Variants in PDZD2 observed in about 807,000 individuals in gnomAD.
PDZD2 encodes PDZ domain containing 2.
PDZD2 carries 90 observed loss-of-function variants against 220.7 expected under a neutral mutation model. The ratio of observed to expected loss-of-function variants is 0.41; its 90% CI spans 0.34 to 0.49. PDZD2 has a LOEUF of 0.49. Ranked by LOEUF, PDZD2 falls within the 20% of genes least tolerant of loss-of-function variation. The pLI is 0.28. For missense variants in PDZD2, 3,174 were observed against 3,608.5 expected, an observed-to-expected ratio of 0.88 and a Z score of 3.08; for synonymous variants, 1,375 against 1,450.5, an observed-to-expected ratio of 0.95 and a Z score of 1.18.
intron 6 of PDZD2, 26 bp downstream of exon 6, chr5:32,010,508 T>G: frequency 6.3e-7 from 1 of 1,575,394 alleles, no homozygotes; most frequent in Non-Finnish European, 8.7e-7. Flanking sequence ...CTCCTGGCTT[T>G]CTGTTGGAAT....
chr5:31,991,211 C>CAG, intron 3 of PDZD2, among the ~76,000 whole-genome samples: 1 of 152,176 alleles, frequency 6.6e-6, no homozygotes. Flanking sequence ...TTTAAACCTT[C>CAG]CCCTTGGATG....
At chr5:31,640,146 C>T (rs1341591767) in intron 1 of PDZD2, among the ~76,000 whole-genome samples, 2 of 152,016 alleles carry the variant, frequency 1.3e-5, no homozygotes, top group Non-Finnish European at 2.9e-5. Context: ...CTGTGGTCCC[C>T]GCTATTTGGA....
At chr5:31,750,544 G>A (rs530160013) in intron 1 of PDZD2, among the ~76,000 whole-genome samples, 31 of 152,284 alleles carry the variant, frequency 2.0e-4, no homozygotes, top group Admixed American at 1.3e-3. Flanking sequence ...ACGAGGGTCC[G>A]CCAAGGATGG....
At chr5:32,022,047 C>G (rs1034360566) in intron 6 of PDZD2, among the ~76,000 whole-genome samples, 9 of 152,344 alleles carry the variant, frequency 5.9e-5, no homozygotes, top group Admixed American at 2.0e-4. Flanking sequence ...CGTCCACACT[C>G]AGCACTGTGC....
At chr5:31,898,427 C>T (rs1741772139) in intron 2 of PDZD2, among the ~76,000 whole-genome samples, 1 of 152,208 alleles carries the variant, frequency 6.6e-6, no homozygotes, top group African/African-American at 2.4e-5. Flanking sequence ...CCAGGGCACT[C>T]CTGTTGCAGC....
At chr5:32,056,040 A>G (rs1183515011) in intron 10 of PDZD2, among the ~76,000 whole-genome samples, 1 of 152,236 alleles carries the variant, frequency 6.6e-6, no homozygotes, top group African/African-American at 2.4e-5. Flanking sequence ...AAGAAACGTA[A>G]GTCATTGGAA....
intron 6 of PDZD2, among the ~76,000 whole-genome samples, chr5:32,022,926 C>T (rs950384597): frequency 9.2e-5 from 14 of 151,944 alleles, no homozygotes; most frequent in Non-Finnish European, 1.9e-4. Context: ...TGAAGAAAGG[C>T]AGGATGGAGG....
intron 2 of PDZD2, among the ~76,000 whole-genome samples, chr5:31,817,011 G>A (rs1423723035): frequency 6.6e-6 from 1 of 151,822 alleles, no homozygotes; most frequent in Non-Finnish European, 1.5e-5. Flanking sequence ...GTGAAACCCC[G>A]TGTCTACTAA....
At chr5:31,690,714 A>C (rs1473109740) in intron 1 of PDZD2, among the ~76,000 whole-genome samples, 1 of 152,040 alleles carries the variant, frequency 6.6e-6, no homozygotes, top group African/African-American at 2.4e-5. Flanking sequence ...CATTCATTGC[A>C]TTTAGGGCCC....
At chr5:31,930,126 C>T (rs553911298) in intron 2 of PDZD2, among the ~76,000 whole-genome samples, 1 of 151,926 alleles carries the variant, frequency 6.6e-6, no homozygotes, top group East Asian at 1.9e-4. Flanking sequence ...TACCATGCTT[C>T]CTGTACAACC....
chr5:32,025,255 G>A (rs528533876), intron 6 of PDZD2, among the ~76,000 whole-genome samples: 1 of 152,300 alleles, frequency 6.6e-6, no homozygotes, highest in Admixed American at 6.5e-5. Context: ...GCCGGGTGCG[G>A]TGGCTCACAT....
intron 1 of PDZD2, among the ~76,000 whole-genome samples, chr5:31,677,865 G>A (rs1242331341): frequency 6.6e-6 from 1 of 152,042 alleles, no homozygotes; most frequent in African/African-American, 2.4e-5. Flanking sequence ...GGGGTCGAAT[G>A]GGGATGGTAG....
At chr5:31,849,892 A>ACACG (rs1491270717) in intron 2 of PDZD2, among the ~76,000 whole-genome samples, 2 of 27,646 alleles carry the variant, frequency 7.2e-5, no homozygotes, top group Admixed American at 3.8e-4. Flanking sequence ...ATATATACAC[A>ACACG]TATATATATA....
intron 2 of PDZD2, chr5:31,823,257 G>A (rs1159274160): frequency 5.8e-6 from 2 of 342,668 alleles, no homozygotes; most frequent in African/African-American, 2.2e-5. Flanking sequence ...ACGAGGTCAG[G>A]AGATCAAGAC....
At chr5:31,793,729 A>G (rs1265858616) in intron 1 of PDZD2, among the ~76,000 whole-genome samples, 2 of 152,082 alleles carry the variant, frequency 1.3e-5, no homozygotes, top group East Asian at 3.9e-4. Context: ...ATCGCTTGAA[A>G]CCGGGAGGCG....
chr5:31,943,382 T>G (rs970277097), intron 2 of PDZD2, among the ~76,000 whole-genome samples: 1 of 152,262 alleles, frequency 6.6e-6, no homozygotes, highest in Admixed American at 6.5e-5. Flanking sequence ...CTGGCAGAGC[T>G]GGGGGAACCG....
At chr5:32,062,903 G>A (rs1182109689) in intron 14 of PDZD2, among the ~76,000 whole-genome samples, 1 of 152,090 alleles carries the variant, frequency 6.6e-6, no homozygotes, top group Non-Finnish European at 1.5e-5. Context: ...ATCTAATACA[G>A]ATGGCTCCAC....
intron 2 of PDZD2, among the ~76,000 whole-genome samples, chr5:31,925,761 C>CA (rs70957983): frequency 9.9e-4 from 136 of 137,610 alleles, no homozygotes; most frequent in East Asian, 4.1e-3. Flanking sequence ...AGCCAACAAG[C>CA]AAAAAAAAAA....
At chr5:31,987,283 G>A (rs967264650) in intron 3 of PDZD2, among the ~76,000 whole-genome samples, 2 of 152,128 alleles carry the variant, frequency 1.3e-5, no homozygotes, top group African/African-American at 4.8e-5. Context: ...TATGTCTATG[G>A]GTACATTTGT....
Sources: gnomAD v4.1 joint callset for allele counts (sites outside exome capture counted in the v4.1 genomes callset) on GRCh38, gnomAD v4.1.1 for gene constraint, MANE v1.5 for transcripts, NCBI Gene and HGNC (gene_info 2026-07-23, HGNC 2026-07-21) for gene names.